Variants in HDAC4 observed in about 807,000 individuals in gnomAD.
HDAC4 encodes the protein histone deacetylase 4.
A neutral mutation model predicts 135.1 loss-of-function variants in HDAC4; 16 were observed. The observed-to-expected ratio is 0.12, with a 90% confidence interval of 0.08 to 0.18. HDAC4 has a LOEUF of 0.18. HDAC4 is among the 10% of genes least tolerant of loss of function. The probability of loss-of-function intolerance (pLI) is 1.00; values close to 1 mark genes in which losing one functional copy is unlikely to be tolerated. For missense variants in HDAC4, 1,143 were observed against 1,511.8 expected (o/e 0.76, Z 4.05); for synonymous variants, 685 against 653.4 (o/e 1.05, Z -0.74).
chr2:239,049,128 TATTG>T lies in HDAC4; in HGVS notation c.*3965_*3968del. The T allele has an allele frequency of 6.6e-6, 1 of 152,340 alleles. No homozygotes were observed. 9.4% of individuals were successfully genotyped at this position (152,340 alleles called of 1,614,324 possible). A position where few individuals can be genotyped will look rare whatever the true frequency, so the allele number is the denominator to read the frequency against. ...TCCACATAAATACAATAAACTCTAT[TATTG>T]GTATGTCACAAGTGCTAGATAAACT... On this transcript the variant is annotated 3_prime_UTR_variant, in exon 27 of 27. Transcript: ENST00000543185.
intron 3 of HDAC4, among the ~76,000 whole-genome samples, chr2:239,200,947 C>A (rs575584363): frequency 6.6e-6 from 1 of 152,106 alleles, no homozygotes; most frequent in Non-Finnish European, 1.5e-5. Context: ...GGAGACTGCT[C>A]GCTCGAGCAG....
chr2:239,393,320 C>A (rs1039877459), intron 1 of HDAC4, among the ~76,000 whole-genome samples: 1 of 152,204 alleles, frequency 6.6e-6, no homozygotes, highest in African/African-American at 2.4e-5. Flanking sequence ...AGGTCCATCA[C>A]CCAGCTGGAG....
At chr2:239,351,271 C>T (rs1693135124) in intron 2 of HDAC4, among the ~76,000 whole-genome samples, 1 of 152,228 alleles carries the variant, frequency 6.6e-6, no homozygotes, top group Non-Finnish European at 1.5e-5. Context: ...GCTACAACCA[C>T]ATAAATATCC....
At chr2:239,265,336 C>T (rs772992199) in intron 2 of HDAC4, among the ~76,000 whole-genome samples, 9 of 152,248 alleles carry the variant, frequency 5.9e-5, no homozygotes, top group Non-Finnish European at 1.0e-4. Flanking sequence ...CCGCCACAGA[C>T]TTTCGTATCA....
At chr2:239,223,501 T>C (rs2047078959) in intron 3 of HDAC4, among the ~76,000 whole-genome samples, 1 of 152,164 alleles carries the variant, frequency 6.6e-6, no homozygotes, top group Non-Finnish European at 1.5e-5. Flanking sequence ...AAAAATCACC[T>C]GGGCAGCTTG....
rs1249805513 is a variant in HDAC4 at position 239,352,576 on chromosome 2, CAA to C, written c.22+100_22+101del. 2.5e-6 allele frequency: 3 copies of C among 1,177,268 alleles called. No individual in the cohort carries two copies. Among genetic ancestry groups the C allele is most frequent in the Admixed American group, 2.0e-5 (1 of 50,050 alleles). The allele number at this position is 1,177,268 out of a possible 1,614,324, so 72.9% of individuals were successfully genotyped here. A position where few individuals can be genotyped will look rare whatever the true frequency, so the allele number is the denominator to read the frequency against. Reference sequence around the variant, plus strand: ...CAACAGTGACCACTATCAAGAAAAACAAAAGTCTCAAATCCAGAAAGCAAGCT... The same window carrying C: ...CAACAGTGACCACTATCAAGAAAAACAAGTCTCAAATCCAGAAAGCAAGCT... On this transcript the variant is annotated intron_variant, in intron 2 of 26. Coordinates refer to ENST00000543185, the MANE Select transcript of HDAC4 (RefSeq NM_001378414.1). This position sits in a 1 kb window ranked among gnomAD's most constrained non-coding sequence, Gnocchi z 4.4.
At chr2:239,354,161 C>T (rs1180793161) in intron 1 of HDAC4, among the ~76,000 whole-genome samples, 1 of 152,196 alleles carries the variant, frequency 6.6e-6, no homozygotes. Flanking sequence ...TCTAGTGATA[C>T]AGCTGTCTAT....
chr2:239,090,268 T>C (rs531877629), intron 17 of HDAC4, 152 bp from the exon 18 acceptor site: 2 of 685,478 alleles, frequency 2.9e-6, no homozygotes, highest in South Asian at 3.1e-5. Context: ...CGTTCAGCCT[T>C]CAATCTTTTT....
chr2:239,189,989 C>T lies in HDAC4; in HGVS notation c.183G>A (p.Val61=). The T allele has an allele frequency of 6.2e-7, 1 of 1,606,876 alleles. No individual in the cohort carries two copies. The highest frequency in any genetic ancestry group is 8.5e-7 in the Non-Finnish European group (1 of 1,179,870). The part of the protein sequence containing the change: ...LRLDHQFSLP[V]AEPALREQQL... ...GCTGCTCCCGCAGGGCCGGCTCTGC[C>T]ACAGGCAGTGAGAACTGGTGGTCCA... The change falls in exon 4 of 27, where the codon GTG becomes GTA. Residue 61 remains valine, a synonymous_variant. Transcript: ENST00000543185.
Position 239,134,081 on chromosome 2 carries a change from G to A in HDAC4, c.1294+164C>T, listed in dbSNP as rs138329598. Among the ~76,000 whole-genome samples the A allele has an allele frequency of 7.0e-3, 1,060 of 152,288 alleles. 11 individuals are homozygous for A. Among genetic ancestry groups the A allele is most frequent in the African/African-American group, 0.025 (1,021 of 41,562 alleles). Reference sequence around the variant, plus strand: ...TGGGAGTGAGGCATGGATTTTCACTGCAGTCACGGTGGCTACATCACGTGA... The same window carrying A: ...TGGGAGTGAGGCATGGATTTTCACTACAGTCACGGTGGCTACATCACGTGA... On this transcript the variant is annotated intron_variant, in intron 11 of 26. Coordinates refer to ENST00000543185, the MANE Select transcript of HDAC4 (RefSeq NM_001378414.1).
chr2:239,179,949 G>T (rs111906973), intron 4 of HDAC4, among the ~76,000 whole-genome samples: 1 of 152,242 alleles, frequency 6.6e-6, no homozygotes, highest in Non-Finnish European at 1.5e-5. Flanking sequence ...GTGAGTGAGC[G>T]CGTGGGATTG....
In HDAC4 at chr2:239,400,654, A is replaced by C. The variant is rs1388138769; in HGVS notation, c.-220+324T>G. 1 of 143,976 alleles carries C rather than the reference A, an allele frequency of 6.9e-6. No individual in the cohort carries two copies. Among genetic ancestry groups the C allele is most frequent in the Non-Finnish European group, 1.5e-5 (1 of 65,078 alleles). 8.9% of individuals were successfully genotyped at this position (143,976 alleles called of 1,614,324 possible). On this transcript the variant is annotated intron_variant, in intron 1 of 26. Coordinates refer to ENST00000543185, the MANE Select transcript of HDAC4 (RefSeq NM_001378414.1). This position sits in a 1 kb window ranked among gnomAD's most constrained non-coding sequence, Gnocchi z 4.7. ...GCGCGGGGCGCGGGGCGGGCGGCGG[A>C]CAATGGCCCGCGGGCGCCGGGCCGG...
intron 2 of HDAC4, among the ~76,000 whole-genome samples, chr2:239,324,657 A>AG (rs2053417799): frequency 6.6e-6 from 1 of 152,174 alleles, no homozygotes; most frequent in Admixed American, 6.5e-5. Flanking sequence ...GAGGCACCAC[A>AG]GCTCACAGCA....
intron 3 of HDAC4, among the ~76,000 whole-genome samples, chr2:239,206,371 G>GT (rs2046048262): frequency 6.6e-6 from 1 of 151,064 alleles, no homozygotes; most frequent in Non-Finnish European, 1.5e-5. Flanking sequence ...AAATACGGCT[G>GT]TTATATACAT....
intron 1 of HDAC4, among the ~76,000 whole-genome samples, chr2:239,385,197 G>C (rs1254546624): frequency 1.3e-5 from 2 of 152,180 alleles, no homozygotes; most frequent in Non-Finnish European, 2.9e-5. Context: ...AGCATCCCCA[G>C]CACCTCAGCT....
intron 3 of HDAC4, among the ~76,000 whole-genome samples, chr2:239,216,603 A>G (rs574306561): frequency 1.1e-4 from 16 of 152,362 alleles, no homozygotes; most frequent in African/African-American, 3.6e-4. Flanking sequence ...TGAACATCTG[A>G]GCCTTTGCTC....
At chr2:239,109,422 CA>C (rs2038466350) in intron 14 of HDAC4, among the ~76,000 whole-genome samples, 1 of 152,112 alleles carries the variant, frequency 6.6e-6, no homozygotes, top group South Asian at 2.1e-4. Context: ...CATCCCCAGC[CA>C]AGGGGAGCTG....
Position 239,400,922 on chromosome 2 carries a change from G to A in HDAC4, c.-220+56C>T, listed in dbSNP as rs1488243246. On this transcript the variant is annotated intron_variant, in intron 1 of 26. Coordinates refer to ENST00000543185, the MANE Select transcript of HDAC4 (RefSeq NM_001378414.1). The surrounding 1 kb of genome is among the most constrained non-coding windows in gnomAD (Gnocchi z 4.7). Reference sequence around the variant, plus strand: ...GGGCTCGGGCGGCGGCGGGGACGGTGCTCCGCGGCGGCGGCCCCACAACCT... The same window carrying A: ...GGGCTCGGGCGGCGGCGGGGACGGTACTCCGCGGCGGCGGCCCCACAACCT... 1 of 149,446 alleles carries A rather than the reference G, an allele frequency of 6.7e-6. No individual in the cohort carries two copies. The highest frequency in any genetic ancestry group is 2.0e-4 in the East Asian group (1 of 5,068). 9.3% of individuals were successfully genotyped at this position (149,446 alleles called of 1,614,324 possible). A position where few individuals can be genotyped will look rare whatever the true frequency, so the allele number is the denominator to read the frequency against.
intron 23 of HDAC4, 141 bp from the exon 24 acceptor site, chr2:239,066,996 A>C: frequency 1.0e-6 from 1 of 987,760 alleles, no homozygotes; most frequent in Non-Finnish European, 1.5e-6. Flanking sequence ...TCGTTTAATA[A>C]ATTCGCTGAA....
Sources: gnomAD v4.1 joint callset for allele counts (sites outside exome capture counted in the v4.1 genomes callset) on GRCh38, gnomAD v4.1.1 for gene constraint, Gnocchi (gnomAD v3.1) non-coding constraint, MANE v1.5 for transcripts, NCBI Gene and HGNC (gene_info 2026-07-23, HGNC 2026-07-21) for gene names.